Variants in CDK14 observed in about 807,000 individuals in gnomAD.
CDK14 encodes cyclin-dependent kinase 14.
CDK14 carries 34 observed loss-of-function variants against 60.7 expected under a neutral mutation model. The ratio of observed to expected loss-of-function variants is 0.56; its 90% confidence interval spans 0.43 to 0.75. The LOEUF (loss-of-function observed/expected upper bound fraction) is 0.75. Ranked by LOEUF, CDK14 falls within the 30% of genes least tolerant of loss-of-function variation. The probability of loss-of-function intolerance (pLI) is 0.00; values close to 1 mark genes in which losing one functional copy is unlikely to be tolerated. For synonymous variants in CDK14, 197 were observed against 203.7 expected (o/e 0.97, Z 0.28); for missense variants, 482 against 564.1 (o/e 0.85, Z 1.47).
intron 12 of CDK14, among the ~76,000 whole-genome samples, chr7:91,083,976 T>C (rs1798555458): frequency 6.6e-6 from 1 of 152,204 alleles, no homozygotes; most frequent in Non-Finnish European, 1.5e-5. Context: ...ACAGATATAG[T>C]TGTGATGGAA....
chr7:90,672,114 G>GAGAA (rs1437135177), intron 2 of CDK14, among the ~76,000 whole-genome samples: 1 of 152,140 alleles, frequency 6.6e-6, no homozygotes, highest in East Asian at 1.9e-4. Flanking sequence ...GCTAAGAGAG[G>GAGAA]AGAATATAGA....
chr7:91,188,194 A>T (rs945230090), intron 14 of CDK14, among the ~76,000 whole-genome samples: 1 of 151,008 alleles, frequency 6.6e-6, no homozygotes, highest in African/African-American at 2.5e-5. Context: ...TTTTTTTTAA[A>T]AAAAAAGAAC....
intron 14 of CDK14, among the ~76,000 whole-genome samples, chr7:91,203,643 C>A (rs1323106103): frequency 6.6e-6 from 1 of 152,278 alleles, no homozygotes; most frequent in South Asian, 2.1e-4. Context: ...GATATCAGGA[C>A]AGACCTAAAG....
At chr7:91,028,202 C>T (rs1482874823) in intron 10 of CDK14, among the ~76,000 whole-genome samples, 1 of 151,328 alleles carries the variant, frequency 6.6e-6, no homozygotes, top group Admixed American at 6.6e-5. Context: ...CAGTTCCATC[C>T]AAGTTGCTGC....
At chr7:91,020,030 C>A (rs1796395084) in intron 10 of CDK14, among the ~76,000 whole-genome samples, 1 of 152,202 alleles carries the variant, frequency 6.6e-6, no homozygotes, top group South Asian at 2.1e-4. Context: ...ACATATTTTT[C>A]ATCCCCCTTG....
At chr7:90,784,844 T>A (rs796992153) in intron 4 of CDK14, among the ~76,000 whole-genome samples, 2 of 152,202 alleles carry the variant, frequency 1.3e-5, no homozygotes, top group Non-Finnish European at 2.9e-5. Flanking sequence ...ATTTTTGAAA[T>A]ATGTATGTAA....
intron 14 of CDK14, among the ~76,000 whole-genome samples, chr7:91,165,471 C>T (rs1801316868): frequency 6.7e-6 from 1 of 150,212 alleles, no homozygotes. Flanking sequence ...CCTCTGGTTC[C>T]CTTTTGTGGA....
chr7:90,803,643 G>A (rs1023444875), intron 5 of CDK14, among the ~76,000 whole-genome samples: 8 of 152,166 alleles, frequency 5.3e-5, no homozygotes, highest in African/African-American at 1.9e-4. Context: ...TTGAAATCTG[G>A]CATTCATGTG....
intron 14 of CDK14, among the ~76,000 whole-genome samples, chr7:91,181,870 G>T (rs1802013649): frequency 6.6e-6 from 1 of 152,044 alleles, no homozygotes; most frequent in Non-Finnish European, 1.5e-5. Flanking sequence ...TCCAGACATG[G>T]AATCAGTCTT....
At chr7:90,617,573 C>T (rs1021445488) in intron 2 of CDK14, among the ~76,000 whole-genome samples, 14 of 152,064 alleles carry the variant, frequency 9.2e-5, no homozygotes, top group African/African-American at 3.4e-4. Flanking sequence ...AACTGAGACC[C>T]AGGGAGATTA....
At chr7:90,824,432 C>T (rs938981481) in intron 5 of CDK14, among the ~76,000 whole-genome samples, 4 of 152,104 alleles carry the variant, frequency 2.6e-5, no homozygotes, top group South Asian at 2.1e-4. Flanking sequence ...GGCATAGTAC[C>T]GAAGAGGTTT....
intron 5 of CDK14, among the ~76,000 whole-genome samples, chr7:90,838,646 G>A (rs758703617): frequency 3.9e-5 from 6 of 152,110 alleles, no homozygotes; most frequent in Non-Finnish European, 7.4e-5. Context: ...CGCTCTGGGA[G>A]TGTCTGTCTT....
chr7:91,040,260 T>G (rs1221641412), intron 10 of CDK14, among the ~76,000 whole-genome samples: 1 of 151,938 alleles, frequency 6.6e-6, no homozygotes, highest in East Asian at 1.9e-4. Flanking sequence ...AGGTGGAGAG[T>G]GCACAGTCAG....
intron 4 of CDK14, among the ~76,000 whole-genome samples, chr7:90,788,780 C>T (rs1805706508): frequency 6.6e-6 from 1 of 152,170 alleles, no homozygotes; most frequent in African/African-American, 2.4e-5. Flanking sequence ...CAAACTCAGA[C>T]ACTGGATTCT....
chr7:91,125,637 A>C (rs1177250406), intron 14 of CDK14, among the ~76,000 whole-genome samples: 3 of 152,178 alleles, frequency 2.0e-5, no homozygotes, highest in African/African-American at 7.2e-5. Context: ...AGATTAATCA[A>C]AGGTTACTTT....
At chr7:90,635,793 A>C (rs1384041209) in intron 2 of CDK14, among the ~76,000 whole-genome samples, 1 of 151,770 alleles carries the variant, frequency 6.6e-6, no homozygotes, top group Admixed American at 6.6e-5. Flanking sequence ...ATTTGTTTGT[A>C]TCCTCTTTTA....
intron 9 of CDK14, among the ~76,000 whole-genome samples, chr7:90,961,162 C>G (rs1200199229): frequency 1.3e-5 from 2 of 152,084 alleles, no homozygotes; most frequent in African/African-American, 4.8e-5. Flanking sequence ...CTTTATTTTA[C>G]CACTAGAGCA....
chr7:91,033,492 A>T (rs1796824935), intron 10 of CDK14, among the ~76,000 whole-genome samples: 3 of 152,204 alleles, frequency 2.0e-5, no homozygotes, highest in Admixed American at 1.3e-4. Flanking sequence ...CTCAAACTTC[A>T]GTATGCTTGT....
chr7:90,655,915 A>G (rs1043245335), intron 2 of CDK14, among the ~76,000 whole-genome samples: 6 of 152,198 alleles, frequency 3.9e-5, no homozygotes, highest in African/African-American at 1.4e-4. Flanking sequence ...CAGAACATAT[A>G]AATTCCCATC....
Sources: allele counts gnomAD v4.1 joint callset (sites outside exome capture counted in the v4.1 genomes callset), GRCh38; gene constraint gnomAD v4.1.1; transcripts MANE v1.5; gene names NCBI Gene and HGNC (gene_info 2026-07-23, HGNC 2026-07-21).